ARHGAP12: variants seen among roughly 807,000 people sequenced by gnomAD.
ARHGAP12 encodes the protein rho GTPase-activating protein 12.
In ARHGAP12, 64 loss-of-function variants were observed where a neutral mutation model predicts 108.6. The ratio of observed to expected loss-of-function variants is 0.59; its 90% confidence interval spans 0.48 to 0.73. The LOEUF (loss-of-function observed/expected upper bound fraction) is 0.73, where lower values mean the gene tolerates loss of function less well. Among genes scored for constraint, ARHGAP12 ranks in the 30% least tolerant of loss-of-function variants. The pLI, the probability that ARHGAP12 is intolerant of heterozygous loss-of-function variation, is 0.00. For synonymous variants in ARHGAP12, 312 were observed against 337.2 expected (o/e 0.93, Z 0.82); for missense variants, 940 against 1,005.9 (o/e 0.93, Z 0.89).
At chr10:31,827,453 GATTT>G (rs1273916517) in intron 10 of ARHGAP12, among the ~76,000 whole-genome samples, 2 of 152,114 alleles carry the variant, frequency 1.3e-5, no homozygotes, top group African/African-American at 4.8e-5. Flanking sequence ...CTACTGCAGG[GATTT>G]ATTAAAGCTA....
intron 4 of ARHGAP12, among the ~76,000 whole-genome samples, chr10:31,857,835 A>C (rs1263368014): frequency 6.6e-6 from 1 of 152,222 alleles, no homozygotes; most frequent in Non-Finnish European, 1.5e-5. Context: ...TGTTCTTCAA[A>C]AGTAAAAGTA....
At chr10:31,893,231 G>A (rs1341939134) in intron 3 of ARHGAP12, among the ~76,000 whole-genome samples, 2 of 152,096 alleles carry the variant, frequency 1.3e-5, no homozygotes, top group Non-Finnish European at 2.9e-5. Flanking sequence ...GCTTGCAGAA[G>A]GCAAGAAATG....
intron 10 of ARHGAP12, among the ~76,000 whole-genome samples, chr10:31,827,823 A>C (rs1835676201): frequency 6.6e-6 from 1 of 150,854 alleles, no homozygotes; most frequent in African/African-American, 2.5e-5. Flanking sequence ...AAAAAAAACC[A>C]CCTCTAAAGG....
At chr10:31,851,858 G>T (rs957948496) in intron 6 of ARHGAP12, among the ~76,000 whole-genome samples, 1 of 152,080 alleles carries the variant, frequency 6.6e-6, no homozygotes, top group Admixed American at 6.5e-5. Flanking sequence ...CCACATATTT[G>T]TCCACTAATT....
At chr10:31,891,696 TCC>T (rs1838444261) in intron 3 of ARHGAP12, among the ~76,000 whole-genome samples, 3 of 152,212 alleles carry the variant, frequency 2.0e-5, no homozygotes, top group South Asian at 4.1e-4. Context: ...CGTTCCATTC[TCC>T]CCGTCACTTT....
intron 1 of ARHGAP12, among the ~76,000 whole-genome samples, chr10:31,927,276 A>G (rs1840090148): frequency 8.7e-6 from 1 of 114,808 alleles, no homozygotes; most frequent in South Asian, 2.7e-4. Context: ...GAGGTAGAGG[A>G]AGATGACCGA....
chr10:31,889,839 C>T (rs777105767), intron 3 of ARHGAP12, among the ~76,000 whole-genome samples: 2 of 151,556 alleles, frequency 1.3e-5, no homozygotes, highest in African/African-American at 2.4e-5. Flanking sequence ...CCACCTCAGC[C>T]TCCCAAAGTG....
chr10:31,816,168 C>CGTGTGTGTGTGTGTGTGTGTGTGT (rs201754040), intron 13 of ARHGAP12, among the ~76,000 whole-genome samples: 19 of 136,328 alleles, frequency 1.4e-4, no homozygotes, highest in South Asian at 2.5e-4. Context: ...AAGAAAGAAA[C>CGTGTGTGTGTGTGTGTGTGTGTGT]GTGTGTGTGT....
At chr10:31,818,224 T>C (rs534740435) in intron 12 of ARHGAP12, among the ~76,000 whole-genome samples, 7 of 152,210 alleles carry the variant, frequency 4.6e-5, no homozygotes, top group Non-Finnish European at 7.3e-5. Flanking sequence ...AAGTGGTGCA[T>C]TCTAAATTAG....
At chr10:31,820,535 T>A in intron 11 of ARHGAP12, 47 bp from the exon 12 acceptor site, 10 of 1,090,090 alleles carry the variant, frequency 9.2e-6, no homozygotes, top group Non-Finnish European at 1.3e-5. Flanking sequence ...TACTCACATA[T>A]ATGTGTATTC....
chr10:31,828,561 T>G (rs1342018366), intron 10 of ARHGAP12, among the ~76,000 whole-genome samples: 1 of 152,136 alleles, frequency 6.6e-6, no homozygotes, highest in African/African-American at 2.4e-5. Context: ...AGTTCAATTT[T>G]CAAAATGAGA....
chr10:31,861,369 G>T (rs747858736), intron 4 of ARHGAP12, 26 bp downstream of exon 4: 2 of 1,567,588 alleles, frequency 1.3e-6, no homozygotes, highest in South Asian at 1.2e-5. Flanking sequence ...CTGGTAACTT[G>T]CAGTTGATTC....
intron 16 of ARHGAP12, 27 bp from the exon 17 acceptor site, chr10:31,809,334 G>T: frequency 6.2e-7 from 1 of 1,602,038 alleles, no homozygotes. Context: ...ATTTGTGTGT[G>T]TGTGTGTTTA....
chr10:31,880,711 T>C lies in ARHGAP12; in HGVS notation c.685-19053A>G, dbSNP rs144170301. 3.0e-4 allele frequency among the ~76,000 whole-genome samples: 45 copies of C among 152,162 alleles called. 1 individual carries two copies. The highest frequency in any genetic ancestry group is 1.0e-3 in the African/African-American group (42 of 41,528). On this transcript the variant is annotated intron_variant, in intron 3 of 19. Coordinates refer to ENST00000344936, the MANE Select transcript of ARHGAP12 (RefSeq NM_018287.7). ...TTTAATACTTCAATCAGGTCAACAA[T>C]TGTATTTCTATAAATTTTATATTCA...
chr10:31,829,207 G>A (rs760253457), intron 10 of ARHGAP12, among the ~76,000 whole-genome samples: 78 of 152,072 alleles, frequency 5.1e-4, no homozygotes, highest in Non-Finnish European at 9.6e-4. Context: ...GAACCTCAAG[G>A]ACATTATGCC....
chr10:31,857,496 A>G (rs1307881391), intron 4 of ARHGAP12, among the ~76,000 whole-genome samples: 1 of 152,148 alleles, frequency 6.6e-6, no homozygotes, highest in Non-Finnish European at 1.5e-5. Context: ...GAATAAGAAG[A>G]AAGAGAATAT....
chr10:31,818,265 C>T (rs542367905), intron 12 of ARHGAP12, among the ~76,000 whole-genome samples: 19 of 152,256 alleles, frequency 1.2e-4, no homozygotes, highest in Middle Eastern at 3.4e-3. Flanking sequence ...GACATTTTTA[C>T]ACAACCTGAG....
chr10:31,861,636 C>T lies in ARHGAP12; in HGVS notation c.707G>A (p.Gly236Glu), dbSNP rs759149647. 38 of 1,607,148 alleles carry T rather than the reference C, an allele frequency of 2.4e-5. No individual in the cohort carries two copies. The highest frequency in any genetic ancestry group is 3.1e-5 in the Non-Finnish European group (37 of 1,177,512). Reference protein sequence around the residue: ...QIRATTPPNQGRPDSPVYANL... With the variant: ...QIRATTPPNQERPDSPVYANL... ...AGCATAGACAGGAGAATCTGGCCTT[C>T]CTTGATTTGGAGGTGTGGTTGCCTG... The change falls in exon 4 of 20, where the codon GGA becomes GAA. Residue 236 changes from glycine to glutamate, a missense_variant. Coordinates refer to ENST00000344936, the MANE Select transcript of ARHGAP12 (RefSeq NM_018287.7).
intron 6 of ARHGAP12, among the ~76,000 whole-genome samples, chr10:31,850,133 T>G (rs769430344): frequency 6.6e-6 from 1 of 152,206 alleles, no homozygotes; most frequent in Non-Finnish European, 1.5e-5. Flanking sequence ...ATACAGCAGA[T>G]GATTCCTCCA....
Sources: allele counts gnomAD v4.1 joint callset (sites outside exome capture counted in the v4.1 genomes callset), GRCh38; gene constraint gnomAD v4.1.1; transcripts MANE v1.5; gene names NCBI Gene and HGNC (gene_info 2026-07-23, HGNC 2026-07-21).